Variants in ITSN1 observed in about 807,000 individuals in gnomAD.
ITSN1 encodes intersectin-1.
In ITSN1, 58 loss-of-function variants were observed where a neutral mutation model predicts 239.8. That is an observed-to-expected ratio of 0.24 (90% CI 0.20 to 0.30). The LOEUF is 0.30. Ranked by LOEUF, ITSN1 falls within the 10% of genes least tolerant of loss-of-function variation. The pLI is 1.00. For synonymous variants in ITSN1, 780 were observed against 770.8 expected (o/e 1.01, Z -0.20); for missense variants, 1,558 against 2,103.3 (o/e 0.74, Z 5.07).
At chr21:33,681,742 T>C (rs6517188) in intron 1 of ITSN1, among the ~76,000 whole-genome samples, 6,654 of 151,052 alleles carry the variant, frequency 0.044, 488 homozygotes, top group African/African-American at 0.15. Context: ...GAGATCTGGG[T>C]TCATTGCAAG....
At chr21:33,679,900 G>C (rs528901927) in intron 1 of ITSN1, among the ~76,000 whole-genome samples, 1 of 151,844 alleles carries the variant, frequency 6.6e-6, no homozygotes, top group African/African-American at 2.4e-5. Context: ...AGGTTTCACC[G>C]TGTTAGCCAG....
intron 1 of ITSN1, among the ~76,000 whole-genome samples, chr21:33,647,776 G>A (rs763521508): frequency 5.3e-5 from 8 of 152,170 alleles, no homozygotes; most frequent in South Asian, 2.1e-4. Flanking sequence ...GATCACAGGC[G>A]TGAGCCACCA....
At chr21:33,663,897 G>A (rs1328568821) in intron 1 of ITSN1, among the ~76,000 whole-genome samples, 10 of 152,144 alleles carry the variant, frequency 6.6e-5, no homozygotes, top group Admixed American at 1.3e-4. Context: ...CACCACACCC[G>A]GCCTCTGATG....
At chr21:33,714,284 A>T (rs1176729186) in intron 1 of ITSN1, among the ~76,000 whole-genome samples, 1 of 152,220 alleles carries the variant, frequency 6.6e-6, no homozygotes, top group African/African-American at 2.4e-5. Context: ...TCGGGCTTTA[A>T]TTGGGGAGGG....
chr21:33,776,582 A>T (rs1382433002), intron 14 of ITSN1, among the ~76,000 whole-genome samples: 3 of 151,844 alleles, frequency 2.0e-5, no homozygotes, highest in African/African-American at 7.3e-5. Context: ...AGAGAAAGGA[A>T]AGAAAGAGAA....
At chr21:33,768,222 G>C (rs2068857411) in intron 11 of ITSN1, among the ~76,000 whole-genome samples, 1 of 152,106 alleles carries the variant, frequency 6.6e-6, no homozygotes. Context: ...TGTTATAAGA[G>C]AATTGGAAAC....
At chr21:33,786,953 A>C (rs1300601716) in intron 16 of ITSN1, among the ~76,000 whole-genome samples, 1 of 152,230 alleles carries the variant, frequency 6.6e-6, no homozygotes, top group African/African-American at 2.4e-5. Context: ...TTCTCAGACT[A>C]AGAATGATGA....
rs1461403862 is a variant in ITSN1 at position 33,899,170 on chromosome 21, C to T, written c.*10870C>T. On this transcript the variant is annotated 3_prime_UTR_variant, in exon 40 of 40. Coordinates refer to ENST00000381318, the MANE Select transcript of ITSN1 (RefSeq NM_003024.3). Reference sequence around the variant, plus strand: ...ACTGTCCCTTGGGCCTTGGTTGTTTCAAAAAAGTCTGGGGACAAGAAAAGC... The same window carrying T: ...ACTGTCCCTTGGGCCTTGGTTGTTTTAAAAAAGTCTGGGGACAAGAAAAGC... 6.6e-6 allele frequency: 1 copy of T among 152,200 alleles called. No homozygotes were observed. Among genetic ancestry groups the T allele is most frequent in the African/African-American group, 2.4e-5 (1 of 41,438 alleles). 9.4% of individuals were successfully genotyped at this position (152,200 alleles called of 1,614,324 possible).
intron 31 of ITSN1, among the ~76,000 whole-genome samples, chr21:33,863,258 G>A (rs1421288641): frequency 6.6e-6 from 1 of 152,218 alleles, no homozygotes; most frequent in Non-Finnish European, 1.5e-5. Context: ...ACAAGTGTGG[G>A]TCTGCAGAAC....
intron 1 of ITSN1, among the ~76,000 whole-genome samples, chr21:33,678,144 A>G (rs1457089928): frequency 2.0e-5 from 3 of 152,114 alleles, no homozygotes; most frequent in African/African-American, 4.8e-5. Context: ...GTAGCCTAAC[A>G]TGTCTCTTTC....
rs773094165 is a variant in ITSN1 at position 33,882,405 on chromosome 21, G to A, written c.4504G>A (p.Asp1502Asn). The part of the protein sequence containing the change: ...ITKPLGSSGT[D>N]KVFSPKSNLQ... ...GAAGCCTTTGGGGTCTTCTGGCACC[G>A]ACAAAGTCTTCAGCCCCAAATCAAA... Residue 1502 changes from aspartate to asparagine, a missense_variant, in exon 35 of 40, where the codon GAC (aspartate) becomes AAC (asparagine). Physicochemically the swap from Asp to Asn is conservative, Grantham distance 23. This residue lies in a region of ITSN1 where 576 missense variants were observed against 893.3 expected (regional missense o/e 0.64). Transcript: ENST00000381318. The surrounding 1 kb of genome is among the most constrained non-coding windows in gnomAD (Gnocchi z 4.5). 11 of 1,614,062 alleles carry A rather than the reference G, an allele frequency of 6.8e-6. No homozygotes were observed. Among genetic ancestry groups the A allele is most frequent in the Admixed American group, 1.7e-5 (1 of 60,008 alleles).
intron 1 of ITSN1, among the ~76,000 whole-genome samples, chr21:33,673,743 C>G (rs2090438376): frequency 1.3e-5 from 2 of 152,206 alleles, no homozygotes; most frequent in Non-Finnish European, 2.9e-5. Context: ...CTTTTCATCA[C>G]CTAGCACCAG....
At position 33,794,360 on chromosome 21, in the gene ITSN1, A is replaced by G; in HGVS notation, c.1844A>G (p.Asn615Ser). 1 of 1,613,544 alleles carries G rather than the reference A, an allele frequency of 6.2e-7. No homozygotes were observed. Among genetic ancestry groups the G allele is most frequent in the Non-Finnish European group, 8.5e-7 (1 of 1,179,740 alleles). Residue 615 changes from asparagine (N) to serine (S), a missense_variant, in exon 17 of 40, where the codon AAT becomes AGT. Physicochemically the swap from Asn to Ser is conservative, Grantham distance 46. Coordinates refer to ENST00000381318, the MANE Select transcript of ITSN1 (RefSeq NM_003024.3). ...TTATAGGAACTAAGAGAAATACACA[A>G]TAAGCAACAACTCCAGAAGCAAAAG... ...NQLKELREIH[N>S]KQQLQKQKSM... is the part of the protein sequence containing the mutation.
At chr21:33,802,587 G>T in intron 20 of ITSN1, 143 bp downstream of exon 20, 2 of 722,518 alleles carry the variant, frequency 2.8e-6, no homozygotes, top group South Asian at 2.0e-5. Flanking sequence ...AGTAGGTTGT[G>T]CTTTTTAAAA....
chr21:33,702,151 C>T (rs1166256642), intron 1 of ITSN1, among the ~76,000 whole-genome samples: 4 of 150,412 alleles, frequency 2.7e-5, no homozygotes, highest in African/African-American at 4.9e-5. Flanking sequence ...AGTCTTGCTC[C>T]GTTGCTCAGG....
At chr21:33,756,876 C>T (rs2067959302) in intron 8 of ITSN1, 1 of 152,266 alleles carries the variant, frequency 6.6e-6, no homozygotes, top group Admixed American at 6.6e-5. Context: ...AAGTGAGTCT[C>T]CTGCCTCAGC....
chr21:33,775,539 A>G (rs1284616968), intron 14 of ITSN1, among the ~76,000 whole-genome samples: 4 of 152,204 alleles, frequency 2.6e-5, no homozygotes, highest in Non-Finnish European at 4.4e-5. Context: ...GTCTTTCTGG[A>G]TGGTGACATT....
intron 11 of ITSN1, among the ~76,000 whole-genome samples, chr21:33,770,910 C>T (rs1207919965): frequency 1.3e-5 from 2 of 151,698 alleles, no homozygotes; most frequent in Non-Finnish European, 1.5e-5. Flanking sequence ...GTTAAAGGTG[C>T]CTGCCACCAC....
chr21:33,651,628 A>T (rs973571116), intron 1 of ITSN1, among the ~76,000 whole-genome samples: 1 of 152,260 alleles, frequency 6.6e-6, no homozygotes, highest in Non-Finnish European at 1.5e-5. Flanking sequence ...AATTGAGGTT[A>T]TGAATATAGG....
Sources: gnomAD v4.1 joint callset for allele counts (sites outside exome capture counted in the v4.1 genomes callset) on GRCh38, gnomAD v4.1.1 for gene constraint, gnomAD v4.1.1 regional missense constraint, Gnocchi (gnomAD v3.1) non-coding constraint, MANE v1.5 for transcripts, NCBI Gene and HGNC (gene_info 2026-07-23, HGNC 2026-07-21) for gene names.